GRM3: variants seen among roughly 807,000 people sequenced by gnomAD.
GRM3 encodes glutamate metabotropic receptor 3, also known as metabotropic glutamate receptor 3.
A neutral mutation model predicts 70.5 loss-of-function variants in GRM3; 26 were observed. That is an observed-to-expected ratio of 0.37 (90% CI 0.27 to 0.51). GRM3 has a LOEUF of 0.51. Among genes scored for constraint, GRM3 ranks in the 20% least tolerant of loss-of-function variants. GRM3 has a pLI of 0.93. For missense variants in GRM3, 859 were observed against 1,123.8 expected, an observed-to-expected ratio of 0.76 and a Z score of 3.37; for synonymous variants, 443 against 434.9, an observed-to-expected ratio of 1.02 and a Z score of -0.23.
intron 1 of GRM3, among the ~76,000 whole-genome samples, chr7:86,658,746 A>G (rs1207690937): frequency 6.6e-6 from 1 of 152,110 alleles, no homozygotes; most frequent in Non-Finnish European, 1.5e-5. Context: ...CCTCATCTTT[A>G]AAACTGGGGT....
Position 86,736,783 on chromosome 7 carries a change from C to T in GRM3, c.-140-28223C>T, listed in dbSNP as rs144926309. Among the ~76,000 whole-genome samples, 308 of 152,248 alleles carry T rather than the reference C, an allele frequency of 2.0e-3. 1 individual carries two copies. Among genetic ancestry groups the T allele is most frequent in the African/African-American group, 7.3e-3 (305 of 41,544 alleles). ...ATCTCTTTGTAAAGAAGGCTAGGAA[C>T]TATGATCTTACTGCATGCACTCAAG... On this transcript the variant is annotated intron_variant, in intron 1 of 5. Transcript: ENST00000361669.
intron 2 of GRM3, among the ~76,000 whole-genome samples, chr7:86,778,761 C>T (rs1200325197): frequency 1.3e-5 from 2 of 152,146 alleles, no homozygotes; most frequent in East Asian, 1.9e-4. Flanking sequence ...AATAAAAAGC[C>T]GTATACTAAA....
intron 1 of GRM3, among the ~76,000 whole-genome samples, chr7:86,692,939 A>G (rs1056430545): frequency 6.6e-6 from 1 of 152,218 alleles, no homozygotes; most frequent in Non-Finnish European, 1.5e-5. Flanking sequence ...GGAAGGCAGC[A>G]CATCAGTTCA....
intron 1 of GRM3, among the ~76,000 whole-genome samples, chr7:86,715,301 C>T (rs1450364104): frequency 6.6e-6 from 1 of 152,004 alleles, no homozygotes; most frequent in Admixed American, 6.6e-5. Flanking sequence ...CATGAAGTAG[C>T]AGAGAATAGT....
intron 3 of GRM3, among the ~76,000 whole-genome samples, chr7:86,809,814 G>A (rs568946343): frequency 9.9e-5 from 15 of 151,920 alleles, no homozygotes; most frequent in Non-Finnish European, 2.2e-4. Flanking sequence ...AGGAGTATTA[G>A]GGCAATAAAA....
intron 1 of GRM3, among the ~76,000 whole-genome samples, chr7:86,698,042 A>T (rs542461600): frequency 1.3e-5 from 2 of 152,282 alleles, no homozygotes; most frequent in Admixed American, 1.3e-4. Context: ...AATAGAAAAC[A>T]GTCTGAGCTA....
intron 3 of GRM3, among the ~76,000 whole-genome samples, chr7:86,802,792 A>G (rs1797711280): frequency 6.6e-6 from 1 of 152,190 alleles, no homozygotes; most frequent in Non-Finnish European, 1.5e-5. Flanking sequence ...CAAGACCATG[A>G]TAGTTTTGTG....
intron 5 of GRM3, among the ~76,000 whole-genome samples, chr7:86,861,459 A>G (rs1307423003): frequency 6.6e-6 from 1 of 152,198 alleles, no homozygotes. Flanking sequence ...GGCAGCAACA[A>G]CTGGGCTAGG....
rs1797243835 is a variant in GRM3 at position 86,786,374 on chromosome 7, C to T, written c.582C>T (p.Asp194=). Residue 194 remains aspartate (D), a synonymous_variant, in exon 3 of 6, where the codon GAC becomes GAT. Coordinates refer to ENST00000361669, the MANE Select transcript of GRM3 (RefSeq NM_000840.3). This position sits in a 1 kb window ranked among gnomAD's most constrained non-coding sequence, Gnocchi z 6.0. ...YDYFARTVPP[D]FYQAKAMAEI... is the part of the protein sequence containing the mutation. ...ACTTTGCCAGGACCGTGCCCCCCGA[C>T]TTCTACCAGGCCAAAGCCATGGCTG... The T allele has an allele frequency of 2.5e-6, 4 of 1,614,090 alleles. No individual in the cohort carries two copies. Among genetic ancestry groups the T allele is most frequent in the Non-Finnish European group, 2.5e-6 (3 of 1,180,050 alleles).
At chr7:86,741,269 G>A (rs754709431) in intron 1 of GRM3, among the ~76,000 whole-genome samples, 26 of 152,232 alleles carry the variant, frequency 1.7e-4, no homozygotes, top group Admixed American at 1.4e-3. Flanking sequence ...TTACATACAC[G>A]GTATTCCAGT....
At chr7:86,701,708 G>C (rs1306889429) in intron 1 of GRM3, among the ~76,000 whole-genome samples, 3 of 151,844 alleles carry the variant, frequency 2.0e-5, no homozygotes, top group Non-Finnish European at 4.4e-5. Context: ...ACTCTTATGG[G>C]AAACAAAAAT....
intron 1 of GRM3, among the ~76,000 whole-genome samples, chr7:86,691,189 T>G (rs1486275373): frequency 6.6e-6 from 1 of 152,130 alleles, no homozygotes; most frequent in East Asian, 1.9e-4. Flanking sequence ...ATCTAAATAA[T>G]TTTCATAATT....
At chr7:86,853,950 T>C (rs1020017938) in intron 5 of GRM3, among the ~76,000 whole-genome samples, 1 of 152,100 alleles carries the variant, frequency 6.6e-6, no homozygotes, top group Admixed American at 6.6e-5. Context: ...AGCCTGTCCA[T>C]GTTGGCTCCT....
chr7:86,646,587 T>C (rs1050849609), intron 1 of GRM3, among the ~76,000 whole-genome samples: 2 of 152,004 alleles, frequency 1.3e-5, no homozygotes, highest in African/African-American at 2.4e-5. Flanking sequence ...CCTTTTAGCA[T>C]TGAAACCCCT....
chr7:86,661,559 G>A (rs1793894016), intron 1 of GRM3, among the ~76,000 whole-genome samples: 2 of 151,994 alleles, frequency 1.3e-5, no homozygotes, highest in Admixed American at 1.3e-4. Flanking sequence ...TCAATGGAAT[G>A]TAGACTTCAA....
intron 1 of GRM3, among the ~76,000 whole-genome samples, chr7:86,755,475 G>A (rs1461313735): frequency 6.6e-6 from 1 of 152,124 alleles, no homozygotes; most frequent in Non-Finnish European, 1.5e-5. Context: ...TGGGGGTTAA[G>A]GATGGGAGAG....
chr7:86,747,173 C>G (rs1259004316), intron 1 of GRM3, among the ~76,000 whole-genome samples: 2 of 152,052 alleles, frequency 1.3e-5, no homozygotes, highest in Non-Finnish European at 2.9e-5. Context: ...AGCCTTGAGC[C>G]ATGCAGCGAA....
chr7:86,665,629 A>T (rs1281058302), intron 1 of GRM3, among the ~76,000 whole-genome samples: 3 of 152,004 alleles, frequency 2.0e-5, no homozygotes, highest in Non-Finnish European at 4.4e-5. Flanking sequence ...TTCCTTCTAG[A>T]TCCTGCCATG....
At position 86,644,665 on chromosome 7, in the gene GRM3, G is replaced by T; in HGVS notation, c.-348G>T. ...AGCCGGGAGGGGGCAGGGGCAGGGG[G>T]CACTGTGACAGGAAGCTGCGCGCAC... is the stretch of plus-strand genomic sequence containing the variant. On this transcript the variant is annotated 5_prime_UTR_variant, in exon 1 of 6. Transcript: ENST00000361669. The T allele has an allele frequency of 1.7e-6, 1 of 575,688 alleles. No homozygotes were observed. The highest frequency in any genetic ancestry group is 3.0e-6 in the Non-Finnish European group (1 of 335,994). The allele number at this position is 575,688 out of a possible 1,614,324, so 35.7% of individuals were successfully genotyped here.
Sources: allele counts gnomAD v4.1 joint callset (sites outside exome capture counted in the v4.1 genomes callset), GRCh38; gene constraint gnomAD v4.1.1; non-coding constraint Gnocchi (gnomAD v3.1); transcripts MANE v1.5; gene names NCBI Gene and HGNC (gene_info 2026-07-23, HGNC 2026-07-21).